NCOA2: variants seen among roughly 807,000 people sequenced by gnomAD.
NCOA2 encodes class E basic helix-loop-helix protein 75.
Under a neutral mutation model 145.1 loss-of-function variants are expected in NCOA2, and 21 were observed. That is an observed-to-expected ratio of 0.14 (90% CI 0.10 to 0.21). The LOEUF (loss-of-function observed/expected upper bound fraction) is 0.21, where lower values mean the gene tolerates loss of function less well. NCOA2 is among the 10% of genes least tolerant of loss of function. The probability of loss-of-function intolerance (pLI) is 1.00; values close to 1 mark genes in which losing one functional copy is unlikely to be tolerated. For synonymous variants in NCOA2, 619 were observed against 637.5 expected (o/e 0.97, Z 0.44); for missense variants, 1,472 against 1,837.6 (o/e 0.80, Z 3.64).
chr8:70,257,869 C>T (rs1188073488), intron 2 of NCOA2, among the ~76,000 whole-genome samples: 3 of 150,922 alleles, frequency 2.0e-5, no homozygotes, highest in Non-Finnish European at 4.4e-5. Context: ...GCCCCACCTC[C>T]GCAACAACAG....
At chr8:70,277,574 T>C (rs1254875006) in intron 2 of NCOA2, among the ~76,000 whole-genome samples, 1 of 152,186 alleles carries the variant, frequency 6.6e-6, no homozygotes, top group Middle Eastern at 3.2e-3. Context: ...TCTTTGGTAA[T>C]GTTAATAGCA....
chr8:70,398,532 A>G (rs1253485294), intron 1 of NCOA2, among the ~76,000 whole-genome samples: 4 of 152,218 alleles, frequency 2.6e-5, no homozygotes, highest in Non-Finnish European at 5.9e-5. Flanking sequence ...AACTCAAACA[A>G]TTCGGAACTG....
chr8:70,212,177 A>G (rs1819114539), intron 4 of NCOA2, among the ~76,000 whole-genome samples: 1 of 152,066 alleles, frequency 6.6e-6, no homozygotes, highest in Admixed American at 6.5e-5. Flanking sequence ...TTAGAAACCT[A>G]AAACAAGAAG....
At chr8:70,232,968 T>G (rs1821272012) in intron 2 of NCOA2, among the ~76,000 whole-genome samples, 2 of 152,052 alleles carry the variant, frequency 1.3e-5, no homozygotes, top group Admixed American at 6.6e-5. Context: ...AGCTCATGCC[T>G]GTAATCCCAG....
At chr8:70,171,145 C>T (rs533896771) in intron 5 of NCOA2, among the ~76,000 whole-genome samples, 10 of 152,312 alleles carry the variant, frequency 6.6e-5, no homozygotes, top group African/African-American at 2.2e-4. Context: ...CACAGCCTCA[C>T]TTTTTGTTGT....
chr8:70,335,061 T>G (rs1295367884), intron 1 of NCOA2, among the ~76,000 whole-genome samples: 1 of 133,928 alleles, frequency 7.5e-6, no homozygotes, highest in Non-Finnish European at 1.5e-5. Flanking sequence ...AGGTGGAGGT[T>G]GCAGTGAGCT....
chr8:70,128,441 G>A lies in NCOA2; in HGVS notation c.3673C>T (p.Pro1225Ser). ...NVNLTLRPGVPTQAPINAQML... is the reference protein window; with the variant it reads ...NVNLTLRPGVSTQAPINAQML... ...CTGGTATGTTGCCTTACCTGTGTTG[G>A]TACTCCAGGCCTCAGAGTCAAGTTC... Residue 1225 changes from proline to serine, a missense_variant, in exon 18 of 23, where the codon CCA becomes TCA. Transcript: ENST00000452400. The A allele has an allele frequency of 3.1e-6, 5 of 1,611,960 alleles. No individual in the cohort carries two copies. The highest frequency in any genetic ancestry group is 4.2e-6 in the Non-Finnish European group (5 of 1,179,098).
intron 4 of NCOA2, among the ~76,000 whole-genome samples, chr8:70,204,042 C>T (rs77616590): frequency 0.016 from 2,378 of 151,504 alleles, 70 homozygotes; most frequent in African/African-American, 0.054. Flanking sequence ...GATGAGGTCT[C>T]GCTCTATCAC....
chr8:70,156,187 T>C lies in NCOA2; in HGVS notation c.2178A>G (p.Ser726=). Residue 726 remains serine, a synonymous_variant, in exon 11 of 23, where the codon TCA becomes TCG. Transcript: ENST00000452400. ...SQESSSTAPG[S]EVTIKQEPVS... ...CCGGCTCTTGTTTAATAGTCACTTC[T>C]GATCCAGGAGCTGTGCTGCTGGACT... 1.2e-6 allele frequency: 2 copies of C among 1,614,038 alleles called. No individual in the cohort carries two copies. Among genetic ancestry groups the C allele is most frequent in the South Asian group, 2.2e-5 (2 of 91,080 alleles).
intron 6 of NCOA2, 37 bp downstream of exon 6, chr8:70,170,165 G>T: frequency 3.1e-6 from 5 of 1,595,854 alleles, no homozygotes; most frequent in South Asian, 1.1e-5. Flanking sequence ...AGGTGGGGGT[G>T]ACGGGAGGTA....
intron 4 of NCOA2, among the ~76,000 whole-genome samples, chr8:70,210,893 G>C (rs1221547172): frequency 6.6e-6 from 1 of 152,178 alleles, no homozygotes; most frequent in Non-Finnish European, 1.5e-5. Flanking sequence ...GCTCCCAAAT[G>C]CATTTTATTC....
rs1827727966 is a variant in NCOA2, at chr8:70,304,416, T to C, written c.-76-7616A>G. 2.0e-5 allele frequency among the ~76,000 whole-genome samples: 3 copies of C among 152,150 alleles called. No individual in the cohort carries two copies. In the South Asian group the frequency reaches 6.2e-4, roughly 32 times the overall value. On this transcript the variant is annotated intron_variant, in intron 1 of 22. Coordinates refer to ENST00000452400, the MANE Select transcript of NCOA2 (RefSeq NM_006540.4). ...CATCTAGGTTTGTGTAAGTACACTCTTGCCTAATGAGGCAATACTCAGAAT... is the reference window on the plus strand; with the variant it reads ...CATCTAGGTTTGTGTAAGTACACTCCTGCCTAATGAGGCAATACTCAGAAT...
At chr8:70,403,557 C>CA in intron 1 of NCOA2, 143 bp downstream of exon 1, 1 of 302,244 alleles carries the variant, frequency 3.3e-6, no homozygotes, top group Non-Finnish European at 6.1e-6. Context: ...TCCCCGCACA[C>CA]AAAAACAGCC....
intron 4 of NCOA2, among the ~76,000 whole-genome samples, chr8:70,200,057 A>G (rs547695162): frequency 1.3e-5 from 2 of 152,306 alleles, no homozygotes; most frequent in African/African-American, 4.8e-5. Flanking sequence ...AACTATGTAT[A>G]TAGCATTTAT....
the NCOA2 span, among the ~76,000 whole-genome samples, chr8:70,421,118 C>CA: frequency 5.4e-4 from 82 of 151,846 alleles, no homozygotes; most frequent in Middle Eastern, 3.4e-3. Flanking sequence ...GGGGCTTTTA[C>CA]AAAAAATACT....
chr8:70,397,601 T>C (rs184366700), intron 1 of NCOA2, among the ~76,000 whole-genome samples: 55 of 152,212 alleles, frequency 3.6e-4, no homozygotes, highest in African/African-American at 1.2e-3. Context: ...TGAGTAGTCC[T>C]AAAGCAGCAA....
At chr8:70,271,220 C>T (rs1258234220) in intron 2 of NCOA2, among the ~76,000 whole-genome samples, 1 of 152,098 alleles carries the variant, frequency 6.6e-6, no homozygotes, top group Non-Finnish European at 1.5e-5. Context: ...AAGCAAGATA[C>T]AGTATAGTAA....
chr8:70,399,159 T>C (rs887402077), intron 1 of NCOA2, among the ~76,000 whole-genome samples: 1 of 152,236 alleles, frequency 6.6e-6, no homozygotes, highest in Non-Finnish European at 1.5e-5. Context: ...ATTAAAATTG[T>C]ATTTCATAGC....
rs573313008 is a variant in NCOA2, at chr8:70,139,363, A to G, written c.3029-1031T>C. On this transcript the variant is annotated intron_variant, in intron 14 of 22. Transcript: ENST00000452400. Reference sequence around the variant, plus strand: ...GACTGAGAATAAATTACATTTCTGGATATAAGGTACTCACTATTATGATTT... The same window carrying G: ...GACTGAGAATAAATTACATTTCTGGGTATAAGGTACTCACTATTATGATTT... 1.8e-4 allele frequency among the ~76,000 whole-genome samples: 28 copies of G among 152,326 alleles called. No homozygotes were observed. In the South Asian group the frequency reaches 5.6e-3, roughly 30 times the overall value.
Sources: allele counts gnomAD v4.1 joint callset (sites outside exome capture counted in the v4.1 genomes callset), GRCh38; gene constraint gnomAD v4.1.1; transcripts MANE v1.5; gene names NCBI Gene and HGNC (gene_info 2026-07-23, HGNC 2026-07-21).